Variants in LINGO1 observed in about 807,000 individuals in gnomAD.
LINGO1 encodes the protein leucine-rich repeat and immunoglobulin-like domain-containing nogo receptor-interacting protein 1.
LINGO1 carries 11 observed loss-of-function variants against 37.3 expected under a neutral mutation model. The ratio of observed to expected loss-of-function variants is 0.29; its 90% confidence interval spans 0.19 to 0.49. The LOEUF is 0.49. Ranked by LOEUF, LINGO1 falls within the 20% of genes least tolerant of loss-of-function variation. The probability of loss-of-function intolerance (pLI) is 0.99; values close to 1 mark genes in which losing one functional copy is unlikely to be tolerated. For missense variants in LINGO1, 585 were observed against 878.2 expected (o/e 0.67, Z 4.22); for synonymous variants, 387 against 403.0 (o/e 0.96, Z 0.48).
At chr15:77,732,980 C>T (rs1393547170) in intron 2 of LINGO1, among the ~76,000 whole-genome samples, 1 of 152,240 alleles carries the variant, frequency 6.6e-6, no homozygotes, top group Non-Finnish European at 1.5e-5. Context: ...GGATTGGAGC[C>T]TGTCCCTTCC....
At chr15:77,686,501 G>GT (rs1008504954) in intron 2 of LINGO1, among the ~76,000 whole-genome samples, 2 of 152,244 alleles carry the variant, frequency 1.3e-5, no homozygotes, top group African/African-American at 2.4e-5. Context: ...CAGTGCCTGT[G>GT]TTTCTGTTTC....
rs773433884 is a variant in LINGO1 at position 77,652,483 on chromosome 15, A to AGTGTGTGTGTGTGTGTGTGTGT, written c.-13+24584_-13+24605dup. 2.5e-3 allele frequency among the ~76,000 whole-genome samples: 319 copies of AGTGTGTGTGTGTGTGTGTGTGT among 128,946 alleles called. 2 individuals carry two copies. The highest frequency in any genetic ancestry group is 7.6e-3 in the East Asian group (32 of 4,194). The allele number at this position is 128,946 out of a possible 152,430, so 84.6% of individuals were successfully genotyped here. ...CCTACAGCTGCAGCTGGGGAGGGAGAGTGTGTGTGTGTGTGTGTGTGTGTG... is the reference window on the plus strand; with the variant it reads ...CCTACAGCTGCAGCTGGGGAGGGAGAGTGTGTGTGTGTGTGTGTGTGTGTGTGTGTGTGTGTGTGTGTGTGTG... On this transcript the variant is annotated intron_variant, in intron 3 of 3. Coordinates refer to the LINGO1 transcript ENST00000559893.
At chr15:77,745,836 T>C (rs772943204) in intron 1 of LINGO1, among the ~76,000 whole-genome samples, 1 of 152,040 alleles carries the variant, frequency 6.6e-6, no homozygotes, top group African/African-American at 2.4e-5. Flanking sequence ...ATGGATGTTG[T>C]GGGGGACTGT....
intron 3 of LINGO1, among the ~76,000 whole-genome samples, chr15:77,664,130 A>AGTGTGTGTGTGTGTGTGTGTGTGT (rs774494605): frequency 2.1e-4 from 28 of 130,368 alleles, no homozygotes; most frequent in African/African-American, 8.1e-4. Context: ...ACACAGGAGC[A>AGTGTGTGTGTGTGTGTGTGTGTGT]GTGTGTGTGT....
At position 77,613,825 on chromosome 15, in the gene LINGO1, T is replaced by G. The variant is rs1190886972; in HGVS notation, c.*219A>C. The G allele has an allele frequency of 3.3e-5, 19 of 570,068 alleles. No individual in the cohort carries two copies. The highest frequency in any genetic ancestry group is 5.6e-5 in the African/African-American group (3 of 53,118). The allele number at this position is 570,068 out of a possible 1,614,324, so 35.3% of individuals were successfully genotyped here. ...CAACTCCAGTCTGTCAATGCCCCTG[T>G]GTAGGTGGGGTCCCCAGGTCTGGGC... On this transcript the variant is annotated 3_prime_UTR_variant, in exon 2 of 2. Transcript: ENST00000355300.
intron 1 of LINGO1, among the ~76,000 whole-genome samples, chr15:77,770,641 A>G (rs2076576140): frequency 6.6e-6 from 1 of 151,950 alleles, no homozygotes; most frequent in Admixed American, 6.5e-5. Flanking sequence ...TGAGATCTTA[A>G]GAAAGTCACC....
intron 2 of LINGO1, among the ~76,000 whole-genome samples, chr15:77,712,214 C>T (rs1052074758): frequency 6.6e-6 from 1 of 152,130 alleles, no homozygotes; most frequent in Non-Finnish European, 1.5e-5. Context: ...CTATCCCAGG[C>T]CACACCCTGG....
intron 3 of LINGO1, among the ~76,000 whole-genome samples, chr15:77,664,170 T>TGAGCACGCGC: frequency 1.5e-5 from 2 of 130,946 alleles, no homozygotes; most frequent in African/African-American, 7.3e-5. Flanking sequence ...TGTGTGTGTG[T>TGAGCACGCGC]GCGCGCGCGC....
chr15:77,759,113 G>A (rs1484145518), intron 1 of LINGO1, among the ~76,000 whole-genome samples: 1 of 152,194 alleles, frequency 6.6e-6, no homozygotes, highest in East Asian at 1.9e-4. Context: ...GTAAGTAGCA[G>A]GCACACAGGG....
At chr15:77,699,774 T>TCTGCACACAGTAAGCACATAC (rs2075757887), upstream of LINGO1, among the ~76,000 whole-genome samples, 2 of 9,092 alleles carry the variant, frequency 2.2e-4, no homozygotes, top group African/African-American at 4.1e-4. Flanking sequence ...CTAACCATCA[T>TCTGCACACAGTAAGCACATAC]TCCCCCCCTC....
chr15:77,664,389 T>C (rs914004863), intron 3 of LINGO1, among the ~76,000 whole-genome samples: 9 of 151,742 alleles, frequency 5.9e-5, no homozygotes, highest in African/African-American at 1.7e-4. Context: ...CTGTCTGTTA[T>C]GGGAAGGCCC....
chr15:77,774,125 T>C (rs2141408746), intron 1 of LINGO1, among the ~76,000 whole-genome samples: 1 of 152,090 alleles, frequency 6.6e-6, no homozygotes, highest in South Asian at 2.1e-4. Flanking sequence ...GGAGAATAGG[T>C]GAGCGAGGCT....
rs574639194 is a variant in LINGO1, at chr15:77,767,511, G to A, written c.-257+19358C>T. Among the ~76,000 whole-genome samples, 248 of 152,312 alleles carry A rather than the reference G, an allele frequency of 1.6e-3. 1 individual carries two copies. The highest frequency in any genetic ancestry group is 2.7e-3 in the Non-Finnish European group (181 of 68,042). On this transcript the variant is annotated intron_variant, in intron 1 of 3. Transcript: ENST00000561686. ...AAGACGTGGGGTCCAGGGAGCAAGA[G>A]GGTCAATGCAAGAGTGGTGACAGGA...
intron 2 of LINGO1, among the ~76,000 whole-genome samples, chr15:77,721,481 A>G (rs536073858): frequency 8.5e-5 from 13 of 152,156 alleles, no homozygotes; most frequent in African/African-American, 3.1e-4. Flanking sequence ...ACAGCACCCC[A>G]CATCTGCCCC....
chr15:77,716,729 C>T (rs1345462604), intron 2 of LINGO1, among the ~76,000 whole-genome samples: 1 of 150,318 alleles, frequency 6.7e-6, no homozygotes, highest in Admixed American at 6.7e-5. Context: ...CTGTCCACCT[C>T]CACTACCAAG....
upstream of LINGO1, among the ~76,000 whole-genome samples, chr15:77,636,419 G>T (rs2074397032): frequency 6.6e-6 from 1 of 152,210 alleles, no homozygotes; most frequent in South Asian, 2.1e-4. Flanking sequence ...CAGAGTCATT[G>T]CTGAGACCTC....
chr15:77,709,225 T>C (rs1485396122), intron 2 of LINGO1, among the ~76,000 whole-genome samples: 2 of 152,206 alleles, frequency 1.3e-5, no homozygotes, highest in Non-Finnish European at 2.9e-5. Flanking sequence ...ACTGCAACTA[T>C]CTGGCCATGG....
intron 1 of LINGO1, among the ~76,000 whole-genome samples, chr15:77,627,746 CTTTG>C: frequency 6.6e-6 from 1 of 152,320 alleles, no homozygotes; most frequent in Middle Eastern, 3.4e-3. Context: ...ATTTGCTGTC[CTTTG>C]TTTGCACTAA....
chr15:77,636,282 G>A (rs553239024), upstream of LINGO1, among the ~76,000 whole-genome samples: 1 of 152,316 alleles, frequency 6.6e-6, no homozygotes, highest in East Asian at 1.9e-4. Context: ...GCACACACAG[G>A]CCTGCCTACA....
Sources: allele counts gnomAD v4.1 joint callset (sites outside exome capture counted in the v4.1 genomes callset), GRCh38; gene constraint gnomAD v4.1.1; transcripts MANE v1.5; gene names NCBI Gene and HGNC (gene_info 2026-07-23, HGNC 2026-07-21).